Variants in NCKAP5 observed in about 807,000 individuals in gnomAD.
NCKAP5 encodes the protein NCK associated protein 5, also known as nck-associated protein 5.
Under a neutral mutation model 167.0 loss-of-function variants are expected in NCKAP5, and 92 were observed. The observed-to-expected ratio is 0.55, with a 90% CI of 0.47 to 0.66. The LOEUF (loss-of-function observed/expected upper bound fraction) is 0.66, where lower values mean the gene tolerates loss of function less well. Ranked by LOEUF, NCKAP5 falls within the 30% of genes least tolerant of loss-of-function variation. The pLI, the probability that NCKAP5 is intolerant of heterozygous loss-of-function variation, is 0.00. For missense variants in NCKAP5, 2,378 were observed against 2,315.0 expected, an observed-to-expected ratio of 1.03 and a Z score of -0.56; for synonymous variants, 891 against 877.4, an observed-to-expected ratio of 1.02 and a Z score of -0.27.
chr2:133,221,554 T>C (rs2086663512), intron 4 of NCKAP5, among the ~76,000 whole-genome samples: 1 of 152,196 alleles, frequency 6.6e-6, no homozygotes, highest in Non-Finnish European at 1.5e-5. Flanking sequence ...AGTTCCAAAT[T>C]CAAAGACTTC....
At chr2:133,394,826 T>C (rs1232681301) in intron 3 of NCKAP5, among the ~76,000 whole-genome samples, 1 of 152,194 alleles carries the variant, frequency 6.6e-6, no homozygotes, top group African/African-American at 2.4e-5. Context: ...TGCAGGAAGA[T>C]ATAATCAAAA....
chr2:133,245,386 A>AGTATTGAATTATTCTATTT (rs1559311278), intron 4 of NCKAP5, among the ~76,000 whole-genome samples: 2 of 152,184 alleles, frequency 1.3e-5, no homozygotes, highest in African/African-American at 2.4e-5. Flanking sequence ...ACAAACCATA[A>AGTATTGAATTATTCTATTT]GTATTGAATT....
At chr2:133,066,572 A>C (rs906605583) in intron 6 of NCKAP5, among the ~76,000 whole-genome samples, 1 of 152,224 alleles carries the variant, frequency 6.6e-6, no homozygotes, top group African/African-American at 2.4e-5. Context: ...CACAGAAGAA[A>C]AACATTGTAA....
chr2:133,421,581 C>T (rs984710228), intron 3 of NCKAP5, among the ~76,000 whole-genome samples: 11 of 151,884 alleles, frequency 7.2e-5, no homozygotes, highest in African/African-American at 1.9e-4. Context: ...CAGCAGAGAG[C>T]GTCTGGGATA....
chr2:133,341,069 T>A (rs1253340503), intron 3 of NCKAP5, among the ~76,000 whole-genome samples: 2 of 152,184 alleles, frequency 1.3e-5, no homozygotes, highest in Non-Finnish European at 2.9e-5. Flanking sequence ...TCAATTCCAT[T>A]AATTCTATTT....
intron 8 of NCKAP5, among the ~76,000 whole-genome samples, chr2:132,952,426 C>A (rs1167493789): frequency 2.0e-5 from 3 of 152,078 alleles, no homozygotes; most frequent in Admixed American, 6.6e-5. Flanking sequence ...TAAATCTGGC[C>A]CTGGCAATGC....
At chr2:133,316,687 G>A (rs540446958) in intron 3 of NCKAP5, among the ~76,000 whole-genome samples, 1 of 152,290 alleles carries the variant, frequency 6.6e-6, no homozygotes, top group East Asian at 1.9e-4. Flanking sequence ...ATTCCTCCTG[G>A]AGTGAGGTAT....
chr2:132,760,286 G>A (rs775482701), intron 16 of NCKAP5, among the ~76,000 whole-genome samples: 1 of 152,010 alleles, frequency 6.6e-6, no homozygotes, highest in Non-Finnish European at 1.5e-5. Flanking sequence ...AGGATCTACT[G>A]GTAGAAAATT....
chr2:133,037,901 A>G (rs1172066329), intron 6 of NCKAP5, among the ~76,000 whole-genome samples: 1 of 152,152 alleles, frequency 6.6e-6, no homozygotes, highest in Admixed American at 6.6e-5. Context: ...CCCTCTGACA[A>G]GAGATTAATA....
intron 3 of NCKAP5, among the ~76,000 whole-genome samples, chr2:133,514,475 A>G (rs1222399144): frequency 6.6e-6 from 1 of 152,200 alleles, no homozygotes; most frequent in Non-Finnish European, 1.5e-5. Flanking sequence ...TGATTCCTCC[A>G]GTCTAAAAAT....
intron 19 of NCKAP5, among the ~76,000 whole-genome samples, chr2:132,714,206 A>G (rs1689137660): frequency 6.6e-6 from 1 of 152,188 alleles, no homozygotes. Flanking sequence ...CCTTAATGAA[A>G]TTGTATATCC....
intron 4 of NCKAP5, among the ~76,000 whole-genome samples, chr2:133,215,435 T>C (rs6706037): frequency 6.6e-6 from 1 of 151,928 alleles, no homozygotes; most frequent in Non-Finnish European, 1.5e-5. Context: ...AACAGGAGAA[T>C]CACATACTCC....
intron 3 of NCKAP5, among the ~76,000 whole-genome samples, chr2:133,335,344 T>A (rs918803285): frequency 1.1e-4 from 17 of 152,208 alleles, no homozygotes; most frequent in African/African-American, 4.1e-4. Context: ...ATCTGAATTA[T>A]TAGATTGCTA....
intron 4 of NCKAP5, among the ~76,000 whole-genome samples, chr2:133,214,075 T>C (rs2086326558): frequency 6.6e-6 from 1 of 152,244 alleles, no homozygotes; most frequent in African/African-American, 2.4e-5. Context: ...TTTTCATGGC[T>C]ATAGTATTTT....
At chr2:133,644,125 G>A in the NCKAP5 span, among the ~76,000 whole-genome samples, 1 of 152,184 alleles carries the variant, frequency 6.6e-6, no homozygotes, top group African/African-American at 2.4e-5. Context: ...ATTATTCTGG[G>A]TATGTCTGTG....
intron 4 of NCKAP5, among the ~76,000 whole-genome samples, chr2:133,261,482 C>A (rs749560964): frequency 7.9e-5 from 12 of 152,160 alleles, no homozygotes; most frequent in Non-Finnish European, 1.6e-4. Context: ...ATGTTTCTGA[C>A]ACAGACCAGG....
chr2:132,983,145 G>T (rs2077189728), intron 7 of NCKAP5, among the ~76,000 whole-genome samples: 1 of 152,072 alleles, frequency 6.6e-6, no homozygotes, highest in Non-Finnish European at 1.5e-5. Context: ...ACTGATTTTT[G>T]TACATTGATT....
intron 3 of NCKAP5, among the ~76,000 whole-genome samples, chr2:133,504,740 G>A (rs1682846923): frequency 6.6e-6 from 1 of 152,108 alleles, no homozygotes; most frequent in Non-Finnish European, 1.5e-5. Context: ...GCTGGCGAGG[G>A]GCCAGTTCCC....
At chr2:133,439,219 T>C (rs916800659) in intron 3 of NCKAP5, among the ~76,000 whole-genome samples, 1 of 152,188 alleles carries the variant, frequency 6.6e-6, no homozygotes, top group Non-Finnish European at 1.5e-5. Context: ...ACTAAGAAGA[T>C]AATCTTTCAT....
Sources: allele counts gnomAD v4.1 joint callset (sites outside exome capture counted in the v4.1 genomes callset), GRCh38; gene constraint gnomAD v4.1.1; transcripts MANE v1.5; gene names NCBI Gene and HGNC (gene_info 2026-07-23, HGNC 2026-07-21).